Variants in NRCAM observed in about 807,000 individuals in gnomAD.
NRCAM encodes the protein NgCAM-related cell adhesion molecule.
A neutral mutation model predicts 156.5 loss-of-function variants in NRCAM; 83 were observed. That is an observed-to-expected ratio of 0.53 (90% CI 0.44 to 0.64). NRCAM has a LOEUF of 0.64. Among genes scored for constraint, NRCAM ranks in the 30% least tolerant of loss-of-function variants. NRCAM has a pLI of 0.00. For synonymous variants in NRCAM, 538 were observed against 563.9 expected (o/e 0.95, Z 0.65); for missense variants, 1,417 against 1,597.3 (o/e 0.89, Z 1.92).
chr7:108,328,368 T>C (rs1033518899), intron 2 of NRCAM: 2 of 152,226 alleles, frequency 1.3e-5, no homozygotes, highest in African/African-American at 2.4e-5. Context: ...AGCCAGTCTC[T>C]GGACTGTCAA....
At chr7:108,238,158 T>G (rs1046568018) in intron 4 of NRCAM, among the ~76,000 whole-genome samples, 2 of 152,220 alleles carry the variant, frequency 1.3e-5, no homozygotes, top group Non-Finnish European at 2.9e-5. Context: ...TAGTGTCTGG[T>G]CATATTATCC....
chr7:108,242,737 C>T (rs955652830), intron 3 of NRCAM, among the ~76,000 whole-genome samples: 1 of 152,078 alleles, frequency 6.6e-6, no homozygotes, highest in Non-Finnish European at 1.5e-5. Context: ...GACTTAAGTG[C>T]CAAGTTCTCC....
At chr7:108,287,387 A>G (rs1348701103) in intron 3 of NRCAM, among the ~76,000 whole-genome samples, 1 of 152,152 alleles carries the variant, frequency 6.6e-6, no homozygotes, top group Admixed American at 6.5e-5. Context: ...CAGAGTAAAC[A>G]GACAACCTAC....
At chr7:108,204,718 T>C (rs945674275) in intron 13 of NRCAM, among the ~76,000 whole-genome samples, 6 of 152,302 alleles carry the variant, frequency 3.9e-5, no homozygotes, top group Non-Finnish European at 5.9e-5. Flanking sequence ...CTATAGGAGC[T>C]ATGGAATTCC....
At chr7:108,236,981 A>G (rs1246971132) in intron 5 of NRCAM, among the ~76,000 whole-genome samples, 1 of 152,164 alleles carries the variant, frequency 6.6e-6, no homozygotes, top group Non-Finnish European at 1.5e-5. Context: ...AACTGCCAGG[A>G]GTTTACTGTC....
chr7:108,177,362 G>A (rs2060956194), intron 26 of NRCAM, among the ~76,000 whole-genome samples: 1 of 152,084 alleles, frequency 6.6e-6, no homozygotes, highest in Admixed American at 6.5e-5. Context: ...AGTGGCTCAC[G>A]CCTGTAATCC....
At chr7:108,217,859 TG>T (rs2090143504) in intron 11 of NRCAM, among the ~76,000 whole-genome samples, 1 of 152,120 alleles carries the variant, frequency 6.6e-6, no homozygotes, top group Non-Finnish European at 1.5e-5. Flanking sequence ...CTGGGCTTCA[TG>T]GGGGTGGGAT....
Position 108,226,512 on chromosome 7 carries a change from G to T in NRCAM, c.551-134C>A, listed in dbSNP as rs560445988. The T allele has an allele frequency of 2.1e-4, 101 of 480,454 alleles. No individual in the cohort carries two copies. In the East Asian group the frequency reaches 3.3e-3, roughly 16 times the overall value. The allele number at this position is 480,454 out of a possible 1,614,324, so 29.8% of individuals were successfully genotyped here. ...TATTTTTTCTCTATATAGCTCTTTG[G>T]GTAAAAGCAAATAACTGTAAAAAAA... On this transcript the variant is annotated intron_variant, in intron 8 of 32. Transcript: ENST00000379028.
At chr7:108,224,940 G>A (rs1165211127) in intron 10 of NRCAM, among the ~76,000 whole-genome samples, 1 of 152,050 alleles carries the variant, frequency 6.6e-6, no homozygotes, top group African/African-American at 2.4e-5. Context: ...TATCTCAAGG[G>A]TGAAAAATTA....
chr7:108,230,804 T>C (rs1464055809), intron 8 of NRCAM, among the ~76,000 whole-genome samples: 1 of 152,062 alleles, frequency 6.6e-6, no homozygotes, highest in Non-Finnish European at 1.5e-5. Flanking sequence ...TCTGCCTCCT[T>C]CCCCACTCCT....
At chr7:108,282,599 T>C (rs2097903209) in intron 3 of NRCAM, among the ~76,000 whole-genome samples, 1 of 152,220 alleles carries the variant, frequency 6.6e-6, no homozygotes, top group African/African-American at 2.4e-5. Flanking sequence ...TTTTGTTGTT[T>C]TCTGGCAACT....
chr7:108,416,404 A>C (rs928980413), intron 1 of NRCAM, among the ~76,000 whole-genome samples: 3 of 152,190 alleles, frequency 2.0e-5, no homozygotes, highest in African/African-American at 7.2e-5. Context: ...GAAAAGATTA[A>C]ACCACAGGCG....
At position 108,223,850 on chromosome 7, in the gene NRCAM, A is replaced by C; in HGVS notation, c.779-14T>G. 2 of 1,219,514 alleles carry C rather than the reference A, an allele frequency of 1.6e-6. No homozygotes were observed. Among genetic ancestry groups the C allele is most frequent in the Non-Finnish European group, 2.4e-6 (2 of 820,614 alleles). The allele number at this position is 1,219,514 out of a possible 1,614,324, so 75.5% of individuals were successfully genotyped here. On this transcript the variant is annotated splice_polypyrimidine_tract_variant and intron_variant, in intron 10 of 32. Coordinates refer to ENST00000379028, the MANE Select transcript of NRCAM (RefSeq NM_001037132.4). Reference sequence around the variant, plus strand: ...TACTTGATTTAGCTGCAAACAAGAAAATCAGTATGCATTACAACTTATAAA... The same window carrying C: ...TACTTGATTTAGCTGCAAACAAGAACATCAGTATGCATTACAACTTATAAA...
intron 11 of NRCAM, among the ~76,000 whole-genome samples, chr7:108,214,979 T>C (rs2087160872): frequency 6.6e-6 from 1 of 152,186 alleles, no homozygotes; most frequent in Non-Finnish European, 1.5e-5. Context: ...ATGATTTCTG[T>C]TCTTCTGCAT....
At chr7:108,224,525 T>C (rs1219748950) in intron 10 of NRCAM, among the ~76,000 whole-genome samples, 2 of 152,138 alleles carry the variant, frequency 1.3e-5, no homozygotes, top group African/African-American at 2.4e-5. Context: ...ATCTTCTTTT[T>C]TATGGAGGCC....
At chr7:108,177,671 G>GTATATATATATATACGTATA (rs1390373768) in intron 26 of NRCAM, among the ~76,000 whole-genome samples, 1 of 17,122 alleles carries the variant, frequency 5.8e-5, no homozygotes, top group African/African-American at 9.6e-5. Flanking sequence ...GTATATACGT[G>GTATATATATATATACGTATA]TATATATATA....
chr7:108,285,201 T>C lies in NRCAM; in HGVS notation c.-107+27464A>G, dbSNP rs144060090. On this transcript the variant is annotated intron_variant, in intron 3 of 32. Transcript: ENST00000379028. Reference sequence around the variant, plus strand: ...AGTCACTGAATAACAGATTGTGTCATGTCTTCCACATGCCTGCAAGAACAA... The same window carrying C: ...AGTCACTGAATAACAGATTGTGTCACGTCTTCCACATGCCTGCAAGAACAA... Among the ~76,000 whole-genome samples the C allele has an allele frequency of 1.8e-3, 268 of 152,238 alleles. 1 individual carries two copies. Among genetic ancestry groups the C allele is most frequent in the African/African-American group, 6.3e-3 (261 of 41,562 alleles).
intron 2 of NRCAM, among the ~76,000 whole-genome samples, chr7:108,347,587 A>G (rs924145918): frequency 6.6e-6 from 1 of 152,194 alleles, no homozygotes; most frequent in Non-Finnish European, 1.5e-5. Context: ...TTGATCCCCA[A>G]AAAAATCCTT....
intron 1 of NRCAM, among the ~76,000 whole-genome samples, chr7:108,430,205 G>C (rs1823178312): frequency 2.0e-5 from 3 of 151,406 alleles, no homozygotes; most frequent in Non-Finnish European, 4.4e-5. Context: ...AGAGGAGTGG[G>C]TTGGTATTAA....
Sources: allele counts gnomAD v4.1 joint callset (sites outside exome capture counted in the v4.1 genomes callset), GRCh38; gene constraint gnomAD v4.1.1; transcripts MANE v1.5; gene names NCBI Gene and HGNC (gene_info 2026-07-23, HGNC 2026-07-21).